Variants in SLC8A1 observed in about 807,000 individuals in gnomAD.
SLC8A1 encodes sodium/calcium exchanger 1.
SLC8A1 carries 18 observed loss-of-function variants against 68.3 expected under a neutral mutation model. The ratio of observed to expected loss-of-function variants is 0.26; its 90% CI spans 0.18 to 0.39. The LOEUF is 0.39. SLC8A1 is among the 10% of genes least tolerant of loss of function. The pLI is 1.00. For missense variants in SLC8A1, 985 were observed against 1,156.7 expected (o/e 0.85, Z 2.15); for synonymous variants, 475 against 415.5 (o/e 1.14, Z -1.74).
rs770123480 is a variant in SLC8A1, at chr2:40,174,688, T to TA, written c.1930+136dup. 1.3e-6 allele frequency: 2 copies of TA among 1,495,476 alleles called. No individual in the cohort carries two copies. The highest frequency in any genetic ancestry group is 1.8e-6 in the Non-Finnish European group (2 of 1,087,094). 92.6% of individuals were successfully genotyped at this position (1,495,476 alleles called of 1,614,324 possible). ...GTATTTGGGGAAAAATAAGGAACAT[T>TA]AAAAAAATAAGTCTTACCAAACAGG... On this transcript the variant is annotated intron_variant, in intron 4 of 7. Transcript: ENST00000406785.
intron 2 of SLC8A1, among the ~76,000 whole-genome samples, chr2:40,334,538 A>C (rs1482524298): frequency 2.6e-5 from 4 of 152,208 alleles, no homozygotes; most frequent in Admixed American, 2.6e-4. Flanking sequence ...TTTTATTGGT[A>C]CCAGTAATAA....
At chr2:40,433,969 G>C (rs1374446786) in intron 1 of SLC8A1, among the ~76,000 whole-genome samples, 1 of 152,124 alleles carries the variant, frequency 6.6e-6, no homozygotes, top group Non-Finnish European at 1.5e-5. Context: ...TGTAACATGA[G>C]GGCTAGCATG....
chr2:40,372,014 T>C (rs150613303), intron 2 of SLC8A1, among the ~76,000 whole-genome samples: 1 of 152,212 alleles, frequency 6.6e-6, no homozygotes, highest in East Asian at 1.9e-4. Context: ...TTGGAGCAAA[T>C]GAAATGCTTT....
At chr2:40,493,227 C>T (rs1705440795) in intron 1 of SLC8A1, among the ~76,000 whole-genome samples, 2 of 151,912 alleles carry the variant, frequency 1.3e-5, no homozygotes, top group South Asian at 4.2e-4. Flanking sequence ...TCATCATTCT[C>T]AGTAAACTAT....
intron 2 of SLC8A1, among the ~76,000 whole-genome samples, chr2:40,352,071 C>T (rs2149448069): frequency 6.6e-6 from 1 of 152,104 alleles, no homozygotes; most frequent in Middle Eastern, 3.4e-3. Context: ...AATAATTATG[C>T]CTAGAAATTG....
At chr2:40,115,583 G>A (rs748731223) in exon 8 of SLC8A1, 24 of 1,612,956 alleles carry the variant, frequency 1.5e-5, no homozygotes, top group East Asian at 2.2e-5. Flanking sequence ...CTATGGAGGC[G>A]TCTGCATACT....
intron 7 of SLC8A1, 122 bp from the exon 11 acceptor site, chr2:40,115,751 T>G: frequency 7.8e-7 from 1 of 1,284,388 alleles, no homozygotes; most frequent in Non-Finnish European, 1.1e-6. Context: ...GACCAAGAAA[T>G]GGCTTTGATG....
chr2:40,357,138 G>C (rs767093291), intron 2 of SLC8A1, among the ~76,000 whole-genome samples: 3 of 152,114 alleles, frequency 2.0e-5, no homozygotes, highest in Non-Finnish European at 2.9e-5. Context: ...AACCTGCAGA[G>C]TGTATTTTGA....
At chr2:40,110,257 T>C (rs1268652205) in exon 8 of SLC8A1, 2 of 151,818 alleles carry the variant, frequency 1.3e-5, no homozygotes, top group African/African-American at 2.4e-5. Context: ...CAACATGAAA[T>C]ATCTATTTCA....
In SLC8A1 at chr2:40,431,935, C is replaced by T. The variant is rs560197372; in HGVS notation, c.-24-1631G>A. ...TAGCTCATCACTACAGGGAGATAAG[C>T]TTCTTTGACATTTTTCCCATACTAA... On this transcript the variant is annotated intron_variant, in intron 1 of 7. Transcript: ENST00000406785. Among the ~76,000 whole-genome samples the T allele has an allele frequency of 3.6e-4, 55 of 152,182 alleles. 2 individuals carry two copies. Among genetic ancestry groups the T allele is most frequent in the South Asian group, 8.3e-4 (4 of 4,818 alleles).
At chr2:40,143,470 C>T (rs2041939299) in intron 6 of SLC8A1, among the ~76,000 whole-genome samples, 1 of 152,132 alleles carries the variant, frequency 6.6e-6, no homozygotes, top group Admixed American at 6.5e-5. Flanking sequence ...GGTGGGTTTG[C>T]TTTTATAGAA....
At chr2:40,238,261 C>A (rs1651356) in intron 2 of SLC8A1, among the ~76,000 whole-genome samples, 2 of 152,148 alleles carry the variant, frequency 1.3e-5, no homozygotes, top group African/African-American at 4.8e-5. Flanking sequence ...AGTGAGACTC[C>A]GTGGGCGTAG....
chr2:40,150,947 C>CT (rs1169901000), intron 6 of SLC8A1, among the ~76,000 whole-genome samples: 2 of 152,194 alleles, frequency 1.3e-5, no homozygotes, highest in Non-Finnish European at 2.9e-5. Context: ...TGCTCACCTA[C>CT]TAGTATGTCC....
intron 1 of SLC8A1, among the ~76,000 whole-genome samples, chr2:40,476,478 C>A (rs1704303013): frequency 6.6e-6 from 1 of 152,124 alleles, no homozygotes. Flanking sequence ...GAAAAGCAAG[C>A]TTTGGGGAAA....
At chr2:40,294,876 T>C (rs1232879979) in intron 2 of SLC8A1, among the ~76,000 whole-genome samples, 1 of 152,174 alleles carries the variant, frequency 6.6e-6, no homozygotes, top group Non-Finnish European at 1.5e-5. Context: ...ATATGGTCTA[T>C]AGTCACATGT....
chr2:40,401,611 G>A (rs906385390), intron 2 of SLC8A1, among the ~76,000 whole-genome samples: 1 of 141,060 alleles, frequency 7.1e-6, no homozygotes, highest in African/African-American at 2.6e-5. Flanking sequence ...AAAGCTTTGT[G>A]AGTTCTTAAT....
At chr2:40,454,206 C>T (rs1702853194), upstream of SLC8A1, among the ~76,000 whole-genome samples, 1 of 152,110 alleles carries the variant, frequency 6.6e-6, no homozygotes, top group South Asian at 2.1e-4. Context: ...TTCTAAATAA[C>T]ACTAAGGAAA....
chr2:40,396,748 TAAAAAAAAAA>T (rs368483768), intron 2 of SLC8A1, among the ~76,000 whole-genome samples: 2 of 87,086 alleles, frequency 2.3e-5, no homozygotes, highest in Non-Finnish European at 4.1e-5. Context: ...CTCTAATAAC[TAAAAAAAAAA>T]AAAAAAAAAA....
chr2:40,121,349 T>C (rs10490205), intron 7 of SLC8A1, among the ~76,000 whole-genome samples: 4,232 of 152,256 alleles, frequency 0.028, 178 homozygotes, highest in African/African-American at 0.092. Context: ...CTGCGAGTAA[T>C]AGATGTTTGA....
Sources: allele counts gnomAD v4.1 joint callset (sites outside exome capture counted in the v4.1 genomes callset), GRCh38; gene constraint gnomAD v4.1.1; transcripts MANE v1.5; gene names NCBI Gene and HGNC (gene_info 2026-07-23, HGNC 2026-07-21).